Variants in HNMT observed in about 807,000 individuals in gnomAD.
The protein encoded by HNMT is histamine N-methyltransferase.
HNMT carries 30 observed loss-of-function variants against 32.1 expected under a neutral mutation model. That is an observed-to-expected ratio of 0.93 (90% CI 0.70 to 1.27). The LOEUF (loss-of-function observed/expected upper bound fraction) is 1.27. Among genes scored for constraint, HNMT ranks in the 50% most tolerant of loss-of-function variants. The pLI is 0.00. For missense variants in HNMT, 327 were observed against 346.0 expected, an observed-to-expected ratio of 0.95 and a Z score of 0.43; for synonymous variants, 125 against 119.0, an observed-to-expected ratio of 1.05 and a Z score of -0.33.
intron 2 of HNMT, among the ~76,000 whole-genome samples, chr2:137,972,873 A>C (rs1680177219): frequency 1.3e-5 from 2 of 152,208 alleles, no homozygotes; most frequent in African/African-American, 4.8e-5. Context: ...TTCTAATGCA[A>C]ATTTATCCAG....
At chr2:137,998,242 T>G (rs556400420) in intron 2 of HNMT, among the ~76,000 whole-genome samples, 1 of 152,298 alleles carries the variant, frequency 6.6e-6, no homozygotes, top group Non-Finnish European at 1.5e-5. Context: ...AAAGAGTAGG[T>G]AAAATAATTA....
chr2:137,977,508 C>T (rs1473442818), intron 2 of HNMT, among the ~76,000 whole-genome samples: 1 of 152,008 alleles, frequency 6.6e-6, no homozygotes, highest in East Asian at 1.9e-4. Context: ...CTTGGGTCTC[C>T]TTCAGCTTGA....
intron 2 of HNMT, among the ~76,000 whole-genome samples, chr2:137,992,231 G>A (rs1400093072): frequency 6.6e-6 from 1 of 152,218 alleles, no homozygotes; most frequent in Non-Finnish European, 1.5e-5. Flanking sequence ...AACTGGGTGT[G>A]GCTGCCTGCT....
chr2:138,008,053 C>T (rs1055397981), intron 5 of HNMT, among the ~76,000 whole-genome samples: 1 of 151,774 alleles, frequency 6.6e-6, no homozygotes, highest in Non-Finnish European at 1.5e-5. Flanking sequence ...GTAAACGTGT[C>T]CGGGGGGTTG....
intron 1 of HNMT, among the ~76,000 whole-genome samples, chr2:137,966,915 G>T (rs186485844): frequency 1.3e-5 from 2 of 151,676 alleles, no homozygotes; most frequent in Admixed American, 6.6e-5. Flanking sequence ...TTGTTTCCTC[G>T]GTCCTTTGTT....
At chr2:138,005,323 T>A in intron 5 of HNMT, 98 bp downstream of exon 5, 1 of 737,256 alleles carries the variant, frequency 1.4e-6, no homozygotes, top group East Asian at 2.5e-5. Context: ...TTGTCTTCAT[T>A]ATGAAATTCT....
chr2:137,970,251 A>G (rs890949752), intron 2 of HNMT, 34 bp downstream of exon 2: 2 of 1,237,540 alleles, frequency 1.6e-6, no homozygotes, highest in Non-Finnish European at 2.3e-6. Flanking sequence ...TTCATATTTC[A>G]CTTTAACCAT....
chr2:137,997,934 C>T (rs549090077), intron 2 of HNMT, among the ~76,000 whole-genome samples: 2 of 152,052 alleles, frequency 1.3e-5, no homozygotes, highest in African/African-American at 2.4e-5. Flanking sequence ...AACCAAATAC[C>T]GCATGTTCTC....
chr2:137,964,510 A>C lies in HNMT; in HGVS notation c.19A>C (p.Ser7Arg). 1 of 1,613,506 alleles carries C rather than the reference A, an allele frequency of 6.2e-7. No individual in the cohort carries two copies. The highest frequency in any genetic ancestry group is 1.3e-5 in the African/African-American group (1 of 74,932). Residue 7 changes from serine to arginine, a missense_variant, in exon 1 of 6, where the codon AGC becomes CGC. Coordinates refer to ENST00000280097, the MANE Select transcript of HNMT (RefSeq NM_006895.3). MASSMR[S>R]LFSDHGKYVE... ...ACCAAATATGGCATCTTCCATGAGG[A>C]GCTTGTTTTCTGACCACGGGAAATA... is the stretch of plus-strand genomic sequence containing the variant.
chr2:138,001,702 A>T (rs557034784), intron 3 of HNMT, among the ~76,000 whole-genome samples: 24 of 152,282 alleles, frequency 1.6e-4, no homozygotes, highest in African/African-American at 5.3e-4. Context: ...GTAGCAGGCT[A>T]GATATAGTCC....
chr2:137,967,317 C>G, intron 1 of HNMT: 1 of 531,274 alleles, frequency 1.9e-6, no homozygotes, highest in South Asian at 2.8e-5. Flanking sequence ...GTGGGAAGAT[C>G]ACTTAAGTCC....
intron 2 of HNMT, among the ~76,000 whole-genome samples, chr2:137,992,772 G>C (rs938280982): frequency 6.6e-6 from 1 of 152,186 alleles, no homozygotes; most frequent in Non-Finnish European, 1.5e-5. Context: ...CTATACAGGA[G>C]TGCTCCTACT....
chr2:138,006,080 A>C (rs1158867599), intron 5 of HNMT, among the ~76,000 whole-genome samples: 1 of 151,992 alleles, frequency 6.6e-6, no homozygotes, highest in Non-Finnish European at 1.5e-5. Flanking sequence ...CCTTATGTGA[A>C]AGTTTGGCAA....
rs907136889 is a variant in HNMT, at chr2:137,970,199, A to C, written c.172A>C (p.Ser58Arg). Residue 58 changes from serine (S) to arginine (R), a missense_variant, in exon 2 of 6, where the codon AGC (serine) becomes CGC (arginine). Ser to Arg is a moderately radical substitution (Grantham distance 110). Coordinates refer to ENST00000280097, the MANE Select transcript of HNMT (RefSeq NM_006895.3). ...CACAAAATCAGAAATTAAGATTCTA[A>C]GCATAGGCGGAGGTGCAGGTATGAG... ...GDTKSEIKIL[S>R]IGGGAGEIDL... 2 of 1,577,408 alleles carry C rather than the reference A, an allele frequency of 1.3e-6. No individual in the cohort carries two copies. The highest frequency in any genetic ancestry group is 2.7e-5 in the African/African-American group (2 of 73,930).
At chr2:138,001,151 C>G (rs911603558) in intron 3 of HNMT, 126 bp downstream of exon 3, 2 of 518,752 alleles carry the variant, frequency 3.9e-6, no homozygotes, top group Non-Finnish European at 6.9e-6. Flanking sequence ...GGGAGAAGAA[C>G]TGAATTAGTT....
intron 2 of HNMT, among the ~76,000 whole-genome samples, chr2:137,984,812 T>C (rs924205194): frequency 5.3e-5 from 8 of 152,120 alleles, no homozygotes. Flanking sequence ...AGTTACCATA[T>C]GATGTAAGGA....
At chr2:137,984,719 C>T (rs942525570) in intron 2 of HNMT, among the ~76,000 whole-genome samples, 1 of 151,860 alleles carries the variant, frequency 6.6e-6, no homozygotes, top group African/African-American at 2.4e-5. Flanking sequence ...ATCAGTTGTC[C>T]TGATTTTACA....
At chr2:138,004,737 G>T (rs1455444291) in intron 4 of HNMT, among the ~76,000 whole-genome samples, 1 of 152,064 alleles carries the variant, frequency 6.6e-6, no homozygotes, top group Non-Finnish European at 1.5e-5. Flanking sequence ...AACGTTCCAT[G>T]AAATGGGGTC....
At chr2:138,002,550 C>A in intron 4 of HNMT, 1 of 230,782 alleles carries the variant, frequency 4.3e-6, no homozygotes, top group Non-Finnish European at 7.1e-6. Context: ...TGAGCTTAAG[C>A]AATTCTCCCA....
Sources: allele counts gnomAD v4.1 joint callset (sites outside exome capture counted in the v4.1 genomes callset), GRCh38; gene constraint gnomAD v4.1.1; transcripts MANE v1.5; gene names NCBI Gene and HGNC (gene_info 2026-07-23, HGNC 2026-07-21).